Variants in ZNG1A observed in about 807,000 individuals in gnomAD.
The protein encoded by ZNG1A is Zn regulated GTPase metalloprotein activator 1A, also known as zinc-regulated GTPase metalloprotein activator 1A.
chr9:123,339 T>G, the ZNG1A span: 1 of 1,587,874 alleles, frequency 6.3e-7, no homozygotes, highest in South Asian at 1.1e-5. Flanking sequence ...AACAACTATG[T>G]AACAAAACCA....
chr9:130,946 CTGTAATTCCCAG>C, the ZNG1A span, among the ~76,000 whole-genome samples: 1 of 112,124 alleles, frequency 8.9e-6, no homozygotes, highest in African/African-American at 3.8e-5. Context: ...TGAAAAAAAT[CTGTAATTCCCAG>C]TGCAGAAGAT....
chr9:152,523 G>C, the ZNG1A span, among the ~76,000 whole-genome samples: 1 of 151,632 alleles, frequency 6.6e-6, no homozygotes, highest in African/African-American at 2.4e-5. Context: ...GTTGCAAGTT[G>C]CTTTGCCCCC....
the ZNG1A span, chr9:147,197 A>AG: frequency 7.0e-6 from 1 of 142,682 alleles, no homozygotes; most frequent in Non-Finnish European, 1.5e-5. Context: ...AAAAAAAAAA[A>AG]GAACAGCAGA....
At chr9:128,858 C>A in the ZNG1A span, among the ~76,000 whole-genome samples, 1 of 151,046 alleles carries the variant, frequency 6.6e-6, no homozygotes, top group Non-Finnish European at 1.5e-5. Flanking sequence ...ATTCTTTCGT[C>A]CTACGGGGTG....
chr9:169,186 G>C, the ZNG1A span, among the ~76,000 whole-genome samples: 1 of 152,094 alleles, frequency 6.6e-6, no homozygotes, highest in Non-Finnish European at 1.5e-5. Flanking sequence ...GTATCAACAT[G>C]AATAGGAGTT....
At chr9:163,504 A>C in the ZNG1A span, among the ~76,000 whole-genome samples, 2 of 152,090 alleles carry the variant, frequency 1.3e-5, no homozygotes, top group Non-Finnish European at 2.9e-5. Context: ...GGGTTTTTTA[A>C]TCTATATGAA....
chr9:149,675 C>T, the ZNG1A span, among the ~76,000 whole-genome samples: 4 of 150,074 alleles, frequency 2.7e-5, no homozygotes, highest in Non-Finnish European at 5.9e-5. Context: ...GAGTTTTTGC[C>T]TTATCCATTG....
At chr9:125,347 T>C in the ZNG1A span, among the ~76,000 whole-genome samples, 2 of 149,096 alleles carry the variant, frequency 1.3e-5, no homozygotes, top group Non-Finnish European at 3.0e-5. Context: ...TGGCCATTTG[T>C]ATATCTTCTT....
the ZNG1A span, chr9:149,244 G>C: frequency 1.2e-4 from 18 of 151,516 alleles, no homozygotes; most frequent in African/African-American, 4.1e-4. Flanking sequence ...CTAACTCCTT[G>C]CTCCCTACAG....
the ZNG1A span, among the ~76,000 whole-genome samples, chr9:139,282 C>T: frequency 2.0e-5 from 3 of 150,656 alleles, no homozygotes; most frequent in Non-Finnish European, 4.4e-5. Context: ...ACAAATAATG[C>T]ATGATTCCAC....
chr9:147,188 A>AC, the ZNG1A span: 2 of 143,952 alleles, frequency 1.4e-5, no homozygotes, highest in East Asian at 2.0e-4. Context: ...AAGAAAAAAA[A>AC]AAAAAAAAAG....
At chr9:161,079 C>T in the ZNG1A span, among the ~76,000 whole-genome samples, 6 of 151,488 alleles carry the variant, frequency 4.0e-5, no homozygotes, top group Non-Finnish European at 5.9e-5. Context: ...AGAGAAGGCC[C>T]AGTGAAGAGG....
chr9:177,625 T>C, the ZNG1A span: 3 of 1,510,676 alleles, frequency 2.0e-6, no homozygotes, highest in Non-Finnish European at 1.8e-6. Context: ...TGGTCAGGGA[T>C]AGGAGTGAAA....
chr9:161,587 T>C, the ZNG1A span: 4 of 1,286,540 alleles, frequency 3.1e-6, no homozygotes, highest in Non-Finnish European at 2.0e-6. Context: ...CCTATCCATA[T>C]GCTCAGATTG....
the ZNG1A span, among the ~76,000 whole-genome samples, chr9:126,584 G>C: frequency 1.3e-5 from 2 of 151,918 alleles, no homozygotes; most frequent in Admixed American, 1.3e-4. Context: ...GAGCTTATTT[G>C]GATTTTCTCT....
At chr9:155,580 A>G in the ZNG1A span, among the ~76,000 whole-genome samples, 1 of 152,172 alleles carries the variant, frequency 6.6e-6, no homozygotes, top group Non-Finnish European at 1.5e-5. Flanking sequence ...TCTATTTTCT[A>G]TTAGCAGGAT....
chr9:149,555 T>C, the ZNG1A span: 1 of 151,264 alleles, frequency 6.6e-6, no homozygotes, highest in Non-Finnish European at 1.5e-5. Flanking sequence ...TTTCCTATTA[T>C]TATAGAACTC....
At chr9:140,573 G>A in the ZNG1A span, among the ~76,000 whole-genome samples, 420 of 150,174 alleles carry the variant, frequency 2.8e-3, 2 homozygotes, top group African/African-American at 9.1e-3. Flanking sequence ...AAAAAACAGA[G>A]CAGAAAAACT....
chr9:156,379 T>C, the ZNG1A span: 1 of 1,444,146 alleles, frequency 6.9e-7, no homozygotes, highest in South Asian at 1.2e-5. Context: ...AAATTTTCCT[T>C]GACTATGTTT....
Sources: gnomAD v4.1 joint callset for allele counts (sites outside exome capture counted in the v4.1 genomes callset) on GRCh38, gnomAD v4.1.1 for gene constraint, MANE v1.5 for transcripts, NCBI Gene and HGNC (gene_info 2026-07-23, HGNC 2026-07-21) for gene names.